MACROD2: variants seen among roughly 807,000 people sequenced by gnomAD.
MACROD2 encodes the protein mono-ADP ribosylhydrolase 2.
In MACROD2, 36 loss-of-function variants were observed where a neutral mutation model predicts 70.4. The ratio of observed to expected loss-of-function variants is 0.51; its 90% confidence interval spans 0.39 to 0.68. The LOEUF (loss-of-function observed/expected upper bound fraction) is 0.68, where lower values mean the gene tolerates loss of function less well. Among genes scored for constraint, MACROD2 ranks in the 30% least tolerant of loss-of-function variants. The probability of loss-of-function intolerance (pLI) is 0.00; values close to 1 mark genes in which losing one functional copy is unlikely to be tolerated. For missense variants in MACROD2, 496 were observed against 538.4 expected (o/e 0.92, Z 0.78); for synonymous variants, 172 against 178.8 (o/e 0.96, Z 0.30).
At chr20:15,427,130 C>T (rs2046308941) in intron 6 of MACROD2, among the ~76,000 whole-genome samples, 1 of 152,168 alleles carries the variant, frequency 6.6e-6, no homozygotes, top group Non-Finnish European at 1.5e-5. Context: ...CCACAATACT[C>T]TATTTCCATC....
At chr20:14,376,998 G>C (rs1419284991) in intron 3 of MACROD2, among the ~76,000 whole-genome samples, 1 of 151,952 alleles carries the variant, frequency 6.6e-6, no homozygotes, top group East Asian at 1.9e-4. Context: ...CCTAATCCCT[G>C]GCACATAGGA....
intron 4 of MACROD2, among the ~76,000 whole-genome samples, chr20:14,513,574 C>T (rs930294304): frequency 3.3e-5 from 5 of 151,968 alleles, no homozygotes; most frequent in Admixed American, 1.3e-4. Flanking sequence ...TAGGTGGGGG[C>T]TCATTTTACC....
At chr20:15,139,616 G>A (rs1215701926) in intron 5 of MACROD2, among the ~76,000 whole-genome samples, 1 of 152,050 alleles carries the variant, frequency 6.6e-6, no homozygotes, top group Non-Finnish European at 1.5e-5. Context: ...GTTCCAAACA[G>A]AATGTATTGG....
At chr20:14,959,228 T>A (rs1327326852) in intron 5 of MACROD2, among the ~76,000 whole-genome samples, 1 of 152,008 alleles carries the variant, frequency 6.6e-6, no homozygotes, top group African/African-American at 2.4e-5. Context: ...ACCTCTAGGG[T>A]TCAAGAGATT....
Position 14,862,007 on chromosome 20 carries a change from A to ATATATATATT in MACROD2, c.418+177057_418+177058insTTATATATAT, listed in dbSNP as rs2075845563. 4.8e-4 allele frequency among the ~76,000 whole-genome samples: 11 copies of ATATATATATT among 23,094 alleles called. 1 individual carries two copies. Among genetic ancestry groups the ATATATATATT allele is most frequent in the African/African-American group, 1.2e-3 (8 of 6,894 alleles). The allele number at this position is 23,094 out of a possible 152,430, so 15.2% of individuals were successfully genotyped here. On this transcript the variant is annotated intron_variant, in intron 5 of 17. Coordinates refer to ENST00000684519, the MANE Select transcript of MACROD2 (RefSeq NM_001351661.2). Reference sequence around the variant, plus strand: ...TATATATATATTTATATATATATTTATATATATATATTTATATATATTTAT... The same window carrying ATATATATATT: ...TATATATATATTTATATATATATTTATATATATATTTATATATATATTTATATATATTTAT...
Position 15,007,487 on chromosome 20 carries a change from T to C in MACROD2, c.419-222453T>C, listed in dbSNP as rs78345391. 4.3e-4 allele frequency among the ~76,000 whole-genome samples: 66 copies of C among 152,320 alleles called. 1 individual carries two copies. The East Asian group carries it at 0.013, about 29-fold the overall frequency. ...TAATGGAAATTGTAATAATGCATCA[T>C]GAGTGAGGTTAGTACAAGAATGAGA... On this transcript the variant is annotated intron_variant, in intron 5 of 17. Transcript: ENST00000684519.
intron 3 of MACROD2, among the ~76,000 whole-genome samples, chr20:14,347,935 A>G (rs1205463815): frequency 1.3e-5 from 2 of 152,134 alleles, no homozygotes; most frequent in Non-Finnish European, 2.9e-5. Context: ...AGTGGAGGCA[A>G]CAGAGTCATC....
chr20:14,719,961 T>C (rs1358183839), intron 5 of MACROD2, among the ~76,000 whole-genome samples: 1 of 152,204 alleles, frequency 6.6e-6, no homozygotes, highest in East Asian at 1.9e-4. Context: ...TGGGCAGCTC[T>C]GGCTATCTCA....
At chr20:14,844,151 T>C (rs1404216928) in intron 5 of MACROD2, among the ~76,000 whole-genome samples, 1 of 152,066 alleles carries the variant, frequency 6.6e-6, no homozygotes, top group African/African-American at 2.4e-5. Flanking sequence ...TCTCCTGCCA[T>C]GGCCTGAGGG....
chr20:15,066,382 C>T (rs1447057102), intron 5 of MACROD2, among the ~76,000 whole-genome samples: 3 of 151,792 alleles, frequency 2.0e-5, no homozygotes, highest in Admixed American at 6.6e-5. Flanking sequence ...GATCTGCCCA[C>T]CTCGGCCTCC....
At chr20:14,157,954 T>G (rs1026949408) in intron 3 of MACROD2, among the ~76,000 whole-genome samples, 1 of 152,222 alleles carries the variant, frequency 6.6e-6, no homozygotes, top group Non-Finnish European at 1.5e-5. Context: ...GTGGGATTGC[T>G]GGATCATATG....
intron 3 of MACROD2, among the ~76,000 whole-genome samples, chr20:14,138,763 CCACACACACACACACACACACACA>C (rs11469437): frequency 1.1e-4 from 16 of 147,034 alleles, no homozygotes; most frequent in Non-Finnish European, 2.1e-4. Flanking sequence ...CTTAAGTTTT[CCACACACACACACACACACACACA>C]CACACACACA....
intron 8 of MACROD2, among the ~76,000 whole-genome samples, chr20:15,601,552 C>T (rs929450212): frequency 6.6e-6 from 1 of 152,150 alleles, no homozygotes; most frequent in Admixed American, 6.5e-5. Context: ...GACACTCACC[C>T]ATCCCAGGAT....
At chr20:14,154,302 C>G (rs2148712997) in intron 3 of MACROD2, among the ~76,000 whole-genome samples, 1 of 152,026 alleles carries the variant, frequency 6.6e-6, no homozygotes, top group South Asian at 2.1e-4. Flanking sequence ...AAGGAGAATA[C>G]CAGCAACAAA....
At chr20:15,364,622 G>A (rs763510886) in intron 6 of MACROD2, among the ~76,000 whole-genome samples, 1 of 152,196 alleles carries the variant, frequency 6.6e-6, no homozygotes, top group Non-Finnish European at 1.5e-5. Flanking sequence ...ATTGATGGCT[G>A]ATTTGTGAGT....
At chr20:14,481,701 A>G (rs1568632538) in intron 3 of MACROD2, among the ~76,000 whole-genome samples, 1 of 152,214 alleles carries the variant, frequency 6.6e-6, no homozygotes, top group Admixed American at 6.5e-5. Context: ...CATTTGTTTG[A>G]TGTTGGGTGA....
intron 8 of MACROD2, among the ~76,000 whole-genome samples, chr20:15,728,250 C>T (rs915168230): frequency 7.9e-5 from 12 of 152,074 alleles, no homozygotes; most frequent in South Asian, 6.2e-4. Flanking sequence ...AAGGGCAAAG[C>T]CTACTTGATC....
chr20:14,327,417 G>T lies in MACROD2; in HGVS notation c.272-166062G>T, dbSNP rs763623092. The T allele has an allele frequency of 1.5e-4, 244 of 1,613,520 alleles. No homozygotes were observed. Among genetic ancestry groups the T allele is most frequent in the Non-Finnish European group, 2.0e-4 (232 of 1,179,694 alleles). On this transcript the variant is annotated intron_variant, in intron 3 of 17. Coordinates refer to ENST00000684519, the MANE Select transcript of MACROD2 (RefSeq NM_001351661.2). ...CATCGCAGCGACACACAGATGGACAGGATTTAGCCATAACTGATAGAGGTG... is the reference window on the plus strand; with the variant it reads ...CATCGCAGCGACACACAGATGGACATGATTTAGCCATAACTGATAGAGGTG...
chr20:14,513,715 G>A (rs2085055416), intron 4 of MACROD2, among the ~76,000 whole-genome samples: 1 of 151,886 alleles, frequency 6.6e-6, no homozygotes, highest in Non-Finnish European at 1.5e-5. Context: ...TGTTTAGATG[G>A]CTCCCATATG....
Sources: gnomAD v4.1 joint callset for allele counts (sites outside exome capture counted in the v4.1 genomes callset) on GRCh38, gnomAD v4.1.1 for gene constraint, MANE v1.5 for transcripts, NCBI Gene and HGNC (gene_info 2026-07-23, HGNC 2026-07-21) for gene names.